LCOR: variants seen among roughly 807,000 people sequenced by gnomAD.
The protein encoded by LCOR is ligand-dependent corepressor.
A neutral mutation model predicts 64.4 loss-of-function variants in LCOR; 14 were observed. The observed-to-expected ratio is 0.22, with a 90% confidence interval of 0.14 to 0.34. The LOEUF (loss-of-function observed/expected upper bound fraction) is 0.34. Ranked by LOEUF, LCOR falls within the 10% of genes least tolerant of loss-of-function variation. LCOR has a pLI of 1.00. For missense variants in LCOR, 1,686 were observed against 1,765.3 expected, an observed-to-expected ratio of 0.96 and a Z score of 0.80; for synonymous variants, 643 against 642.5, an observed-to-expected ratio of 1.00 and a Z score of -0.01.
intron 2 of LCOR, among the ~76,000 whole-genome samples, chr10:96,899,245 G>A (rs1318558702): frequency 1.3e-5 from 2 of 152,050 alleles, no homozygotes; most frequent in African/African-American, 4.8e-5. Context: ...AAGAGATAAA[G>A]GATTGGAGAG....
intron 4 of LCOR, among the ~76,000 whole-genome samples, chr10:96,916,763 C>G (rs565990434): frequency 6.6e-6 from 1 of 151,812 alleles, no homozygotes; most frequent in African/African-American, 2.4e-5. Flanking sequence ...TACAGGCGCA[C>G]GCCACCCCAC....
At chr10:96,951,595 CAT>C (rs1847680640) in intron 6 of LCOR, among the ~76,000 whole-genome samples, 2 of 151,996 alleles carry the variant, frequency 1.3e-5, no homozygotes, top group African/African-American at 4.8e-5. Flanking sequence ...ACTTTAATGA[CAT>C]AAATTTACAT....
chr10:96,833,030 A>T, intron 1 of LCOR: 1 of 985,590 alleles, frequency 1.0e-6, no homozygotes, highest in Non-Finnish European at 1.2e-6. Flanking sequence ...TGACCGAGCC[A>T]AGTGGGGTGT....
chr10:96,970,254 C>T lies in LCOR; in HGVS notation c.333-10539C>T, dbSNP rs557597549. 5.4e-4 allele frequency among the ~76,000 whole-genome samples: 82 copies of T among 151,738 alleles called. 1 individual carries two copies. The highest frequency in any genetic ancestry group is 1.9e-3 in the African/African-American group (77 of 41,420). The stretch of plus-strand genomic sequence containing the variant: ...CTCTACTAAAATACAAAAAAATAAC[C>T]GGGTGTGGTGGCGCTTGCCTGTAGT... On this transcript the variant is annotated intron_variant, in intron 7 of 7. Coordinates refer to ENST00000421806, the MANE Select transcript of LCOR (RefSeq NM_001346516.2).
At chr10:96,846,169 T>G (rs1589601688) in intron 2 of LCOR, among the ~76,000 whole-genome samples, 2 of 151,972 alleles carry the variant, frequency 1.3e-5, no homozygotes, top group South Asian at 4.2e-4. Context: ...ATTGCACCAC[T>G]GCACTCCAGC....
Position 96,981,788 on chromosome 10 carries a change from A to G in LCOR, c.1328A>G (p.Lys443Arg). The change falls in exon 8 of 8, where the codon AAG becomes AGG. Residue 443 changes from lysine (K) to arginine (R), a missense_variant. This residue lies in a region of LCOR where 1,293 missense variants were observed against 1,410.4 expected (regional missense o/e 0.92). Transcript: ENST00000421806. ...HKAANGHSRT[K>R]MISTSIKTAR... ...GCGGCAAATGGACACTCAAGAACCA[A>G]GATGATATCAACCTCCATCAAGACA... The G allele has an allele frequency of 6.2e-7, 1 of 1,614,218 alleles. No homozygotes were observed. Among genetic ancestry groups the G allele is most frequent in the Non-Finnish European group, 8.5e-7 (1 of 1,180,028 alleles).
intron 2 of LCOR, among the ~76,000 whole-genome samples, chr10:96,873,094 T>G (rs193066717): frequency 6.6e-6 from 1 of 152,280 alleles, no homozygotes; most frequent in Non-Finnish European, 1.5e-5. Flanking sequence ...GTTGGAAGGA[T>G]AGACATGATT....
At chr10:96,849,199 T>C (rs1215117326) in intron 2 of LCOR, among the ~76,000 whole-genome samples, 1 of 150,190 alleles carries the variant, frequency 6.7e-6, no homozygotes, top group Non-Finnish European at 1.5e-5. Flanking sequence ...TCAGCCTCCT[T>C]AGCAGCTGGG....
chr10:96,971,903 CCT>C (rs1848002526), intron 7 of LCOR, among the ~76,000 whole-genome samples: 1 of 152,048 alleles, frequency 6.6e-6, no homozygotes, highest in African/African-American at 2.4e-5. Context: ...TGCATGTGTG[CCT>C]ACACATTCAG....
At chr10:96,903,902 T>C (rs1333946736) in intron 2 of LCOR, among the ~76,000 whole-genome samples, 1 of 152,176 alleles carries the variant, frequency 6.6e-6, no homozygotes, top group African/African-American at 2.4e-5. Flanking sequence ...TAATTCTCCT[T>C]GAGGAGATAA....
In LCOR at chr10:96,984,965, A is replaced by G; in HGVS notation, c.4505A>G (p.Glu1502Gly). Reference protein sequence around the residue: ...TKPAKQKGAGESSSRPQKATN... With the variant: ...TKPAKQKGAGGSSSRPQKATN... ...CCTGCAAAACAGAAGGGGGCCGGTG[A>G]ATCCTCTTCAAGGCCTCAGAAAGCC... Residue 1502 changes from glutamate to glycine, a missense_variant, in exon 8 of 8, where the codon GAA (glutamate) becomes GGA (glycine). This residue lies in a region of LCOR where 1,293 missense variants were observed against 1,410.4 expected (regional missense o/e 0.92). Transcript: ENST00000421806. 2 of 1,614,214 alleles carry G rather than the reference A, an allele frequency of 1.2e-6. No homozygotes were observed. Among genetic ancestry groups the G allele is most frequent in the Non-Finnish European group, 1.7e-6 (2 of 1,180,040 alleles).
At chr10:96,843,394 A>G (rs1845574918) in intron 2 of LCOR, among the ~76,000 whole-genome samples, 1 of 152,148 alleles carries the variant, frequency 6.6e-6, no homozygotes, top group Non-Finnish European at 1.5e-5. Context: ...CAGCCTCCCA[A>G]AGTGCTGGGA....
intron 4 of LCOR, chr10:96,915,815 G>A: frequency 1.8e-6 from 1 of 569,260 alleles, no homozygotes; most frequent in Non-Finnish European, 3.3e-6. Context: ...AGCAGGGTTA[G>A]CAGACAACCT....
intron 2 of LCOR, among the ~76,000 whole-genome samples, chr10:96,841,522 G>A (rs1395540314): frequency 6.6e-6 from 1 of 151,692 alleles, no homozygotes; most frequent in Non-Finnish European, 1.5e-5. Context: ...CACCATGCCC[G>A]GCTAATTTTT....
At chr10:96,979,806 C>T (rs1848067587) in intron 7 of LCOR, among the ~76,000 whole-genome samples, 1 of 152,166 alleles carries the variant, frequency 6.6e-6, no homozygotes, top group African/African-American at 2.4e-5. Flanking sequence ...AGGATTCCTG[C>T]ATTAGCATGA....
intron 7 of LCOR, among the ~76,000 whole-genome samples, chr10:96,965,867 G>A (rs1281328931): frequency 6.6e-6 from 1 of 151,976 alleles, no homozygotes; most frequent in African/African-American, 2.4e-5. Flanking sequence ...TAACTAACTT[G>A]TTTATGGTCA....
intron 6 of LCOR, among the ~76,000 whole-genome samples, chr10:96,949,549 T>G (rs1847642919): frequency 1.3e-5 from 2 of 152,342 alleles, no homozygotes; most frequent in South Asian, 4.1e-4. Flanking sequence ...CACTAATCTT[T>G]CAGTTACTTG....
Position 96,984,800 on chromosome 10 carries a change from C to G in LCOR, c.4340C>G (p.Pro1447Arg). Residue 1447 changes from proline (P) to arginine (R), a missense_variant, in exon 8 of 8, where the codon CCC (proline) becomes CGC (arginine). Coordinates refer to ENST00000421806, the MANE Select transcript of LCOR (RefSeq NM_001346516.2). ...GCAAGGGACAGAAGCAGCCAACCCC[C>G]CAAAAAGACGTCTTTGAAAGAGAAT... ...PAARDRSSQP[P>R]KKTSLKENKV... is the part of the protein sequence containing the mutation. 1.9e-6 allele frequency: 3 copies of G among 1,614,070 alleles called. No homozygotes were observed. In the South Asian group the frequency reaches 3.3e-5, roughly 18 times the overall value.
chr10:96,879,778 C>T lies in LCOR; in HGVS notation c.-329-27487C>T, dbSNP rs557431857. ...CTGGGTTCAAGCTTTTCTCATGCCTCAGCCTCCTGAGTGTGCTAGGATTAC... is the reference window on the plus strand; with the variant it reads ...CTGGGTTCAAGCTTTTCTCATGCCTTAGCCTCCTGAGTGTGCTAGGATTAC... On this transcript the variant is annotated intron_variant, in intron 2 of 7. Transcript: ENST00000421806. Among the ~76,000 whole-genome samples, 63 of 152,266 alleles carry T rather than the reference C, an allele frequency of 4.1e-4. 1 individual carries two copies. Among genetic ancestry groups the T allele is most frequent in the Non-Finnish European group, 7.9e-4 (54 of 68,016 alleles).
Sources: gnomAD v4.1 joint callset for allele counts (sites outside exome capture counted in the v4.1 genomes callset) on GRCh38, gnomAD v4.1.1 for gene constraint, gnomAD v4.1.1 regional missense constraint, MANE v1.5 for transcripts, NCBI Gene and HGNC (gene_info 2026-07-23, HGNC 2026-07-21) for gene names.